Variants in RNFT2 observed in about 807,000 individuals in gnomAD.
RNFT2 encodes ring finger protein, transmembrane 2.
Under a neutral mutation model 53.0 loss-of-function variants are expected in RNFT2, and 36 were observed. The observed-to-expected ratio is 0.68, with a 90% CI of 0.52 to 0.90. The LOEUF (loss-of-function observed/expected upper bound fraction) is 0.90, where lower values mean the gene tolerates loss of function less well. Among genes scored for constraint, RNFT2 ranks in the 40% least tolerant of loss-of-function variants. The pLI is 0.00. For synonymous variants in RNFT2, 260 were observed against 253.2 expected, an observed-to-expected ratio of 1.03 and a Z score of -0.26; for missense variants, 514 against 585.6, an observed-to-expected ratio of 0.88 and a Z score of 1.26.
intron 3 of RNFT2, 33 bp downstream of exon 3, chr12:116,741,127 C>T (rs1290436327): frequency 1.9e-6 from 3 of 1,584,256 alleles, no homozygotes; most frequent in African/African-American, 2.7e-5. Flanking sequence ...CATCTGAGGG[C>T]TCTAGGCTTC....
At chr12:116,791,400 T>C (rs1199012979) in intron 7 of RNFT2, among the ~76,000 whole-genome samples, 2 of 152,170 alleles carry the variant, frequency 1.3e-5, no homozygotes, top group African/African-American at 4.8e-5. Flanking sequence ...AACCTCTGCC[T>C]CCCGGGTTCA....
chr12:116,848,980 G>C (rs995021457), intron 10 of RNFT2, among the ~76,000 whole-genome samples: 3 of 151,900 alleles, frequency 2.0e-5, no homozygotes, highest in Non-Finnish European at 4.4e-5. Context: ...CACCACGCCC[G>C]GCTAATTTTT....
At chr12:116,827,180 A>G (rs1373794239) in intron 7 of RNFT2, among the ~76,000 whole-genome samples, 1 of 150,176 alleles carries the variant, frequency 6.7e-6, no homozygotes, top group Admixed American at 6.7e-5. Flanking sequence ...AGATCATGCC[A>G]CTGCACTCCA....
chr12:116,821,539 C>T (rs917919032), intron 7 of RNFT2, among the ~76,000 whole-genome samples: 10 of 152,222 alleles, frequency 6.6e-5, no homozygotes, highest in African/African-American at 1.9e-4. Context: ...TTGTCCTGGC[C>T]GCCCACTTGG....
intron 4 of RNFT2, 79 bp downstream of exon 4, chr12:116,750,386 C>T (rs988012232): frequency 7.4e-7 from 1 of 1,356,154 alleles, no homozygotes; most frequent in Non-Finnish European, 1.0e-6. Flanking sequence ...GGGGGCTCCT[C>T]CTCTGAAGCC....
chr12:116,841,189 T>C (rs748615558), intron 10 of RNFT2, among the ~76,000 whole-genome samples: 8 of 152,188 alleles, frequency 5.3e-5, no homozygotes, highest in Non-Finnish European at 1.0e-4. Context: ...TGGTAGCTCA[T>C]GCCTATAATC....
intron 7 of RNFT2, among the ~76,000 whole-genome samples, chr12:116,798,857 C>G (rs897191658): frequency 6.6e-6 from 1 of 152,014 alleles, no homozygotes; most frequent in Non-Finnish European, 1.5e-5. Context: ...CAGACATGAG[C>G]CACTGTGCCT....
At chr12:116,834,054 T>C (rs2137203234) in intron 8 of RNFT2, 113 bp downstream of exon 8, 1 of 894,054 alleles carries the variant, frequency 1.1e-6, no homozygotes, top group South Asian at 4.1e-5. Context: ...TTTATTTATT[T>C]ATTTTAATTG....
chr12:116,775,815 G>T (rs1166933720), intron 6 of RNFT2, among the ~76,000 whole-genome samples: 1 of 152,228 alleles, frequency 6.6e-6, no homozygotes, highest in Non-Finnish European at 1.5e-5. Flanking sequence ...GGCCAAGGTG[G>T]GTGGATCACT....
Position 116,852,592 on chromosome 12 carries a change from G to C in RNFT2, c.*3144G>C. The C allele has an allele frequency of 6.2e-7, 1 of 1,613,412 alleles. No individual in the cohort carries two copies. Among genetic ancestry groups the C allele is most frequent in the Non-Finnish European group, 8.5e-7 (1 of 1,179,528 alleles). ...CTCCCTACCCTGAGGAAAAACCAAA[G>C]GGAAGCAACAGGAACTTCTGCAACT... On this transcript the variant is annotated 3_prime_UTR_variant, in exon 11 of 11. Transcript: ENST00000257575.
intron 7 of RNFT2, among the ~76,000 whole-genome samples, chr12:116,827,421 G>A (rs979121145): frequency 4.6e-5 from 7 of 152,112 alleles, no homozygotes; most frequent in African/African-American, 1.4e-4. Flanking sequence ...CAAAGGAAGA[G>A]CTTGGTGTCC....
intron 10 of RNFT2, among the ~76,000 whole-genome samples, chr12:116,841,786 T>C (rs1211024100): frequency 4.2e-5 from 4 of 94,450 alleles, no homozygotes; most frequent in African/African-American, 2.0e-4. Flanking sequence ...TATAAATATA[T>C]ATATATAAAT....
At chr12:116,748,694 G>T (rs747626578) in intron 3 of RNFT2, 1 of 452,162 alleles carries the variant, frequency 2.2e-6, no homozygotes. Flanking sequence ...TGGGGAACTG[G>T]GGGCCATTGA....
intron 5 of RNFT2, among the ~76,000 whole-genome samples, chr12:116,763,444 G>GA (rs1454624935): frequency 1.3e-5 from 2 of 152,130 alleles, no homozygotes; most frequent in African/African-American, 4.8e-5. Context: ...AACCACTATG[G>GA]AAAACAGTGT....
chr12:116,739,571 G>C (rs981676055), intron 1 of RNFT2, among the ~76,000 whole-genome samples: 1 of 152,248 alleles, frequency 6.6e-6, no homozygotes, highest in African/African-American at 2.4e-5. Flanking sequence ...TCTGGGAAGA[G>C]ACGACATTTG....
chr12:116,845,115 G>A (rs558578008), intron 10 of RNFT2, among the ~76,000 whole-genome samples: 24 of 151,788 alleles, frequency 1.6e-4, no homozygotes, highest in African/African-American at 4.1e-4. Flanking sequence ...ATGGTGGCAC[G>A]TGCCTATAGT....
chr12:116,800,352 G>T (rs1874708853), intron 7 of RNFT2, among the ~76,000 whole-genome samples: 1 of 151,978 alleles, frequency 6.6e-6, no homozygotes, highest in Non-Finnish European at 1.5e-5. Context: ...CAAAAAATTG[G>T]CCGGGCACAG....
chr12:116,833,591 C>T (rs924144939), intron 7 of RNFT2, among the ~76,000 whole-genome samples: 22 of 152,226 alleles, frequency 1.4e-4, no homozygotes, highest in Admixed American at 9.8e-4. Flanking sequence ...TGCTGGGTGG[C>T]GGGTGAGGGC....
chr12:116,785,249 C>CTGTGTGTG (rs56185708), intron 7 of RNFT2, among the ~76,000 whole-genome samples: 78,273 of 138,862 alleles, frequency 0.56, 24,036 homozygotes, highest in Non-Finnish European at 0.68. Context: ...TTACCTACTT[C>CTGTGTGTG]TGTGTGTGTG....
Sources: allele counts gnomAD v4.1 joint callset (sites outside exome capture counted in the v4.1 genomes callset), GRCh38; gene constraint gnomAD v4.1.1; transcripts MANE v1.5; gene names NCBI Gene and HGNC (gene_info 2026-07-23, HGNC 2026-07-21).